The following FIZ1 variants were observed in gnomAD, a reference collection of about 807,000 sequenced individuals.
The protein encoded by FIZ1 is flt3-interacting zinc finger protein 1.
FIZ1 carries 2 observed loss-of-function variants against 5.3 expected under a neutral mutation model. That is an observed-to-expected ratio of 0.37 (90% CI 0.15 to 1.18). The LOEUF is 1.18. Among genes scored for constraint, FIZ1 ranks in the 50% most tolerant of loss-of-function variants. FIZ1 has a pLI of 0.37. For missense variants in FIZ1, 631 were observed against 749.7 expected (o/e 0.84, Z 1.85); for synonymous variants, 407 against 364.2 (o/e 1.12, Z -1.34).
intron 2 of FIZ1, among the ~76,000 whole-genome samples, chr19:55,594,602 C>T (rs1329446197): frequency 3.7e-5 from 5 of 135,140 alleles, no homozygotes; most frequent in Admixed American, 1.7e-4. Flanking sequence ...GAGGCTGAGG[C>T]GGGAGAATGG....
At position 55,592,387 on chromosome 19, in the gene FIZ1, G is replaced by A; in HGVS notation, c.*63C>T. The A allele has an allele frequency of 6.9e-7, 1 of 1,442,922 alleles. No individual in the cohort carries two copies. Among genetic ancestry groups the A allele is most frequent in the Non-Finnish European group, 9.2e-7 (1 of 1,082,778 alleles). 89.4% of individuals were successfully genotyped at this position (1,442,922 alleles called of 1,614,324 possible). A position where few individuals can be genotyped will look rare whatever the true frequency, so the allele number is the denominator to read the frequency against. On this transcript the variant is annotated 3_prime_UTR_variant, in exon 3 of 3. Transcript: ENST00000221665. This position sits in a 1 kb window ranked among gnomAD's most constrained non-coding sequence, Gnocchi z 6.9. ...CCGGGGCCTCACGCGCAGTCCCGAGGTCCCCTGGTCCAGGCCGAGTCCAGG... is the reference window on the plus strand; with the variant it reads ...CCGGGGCCTCACGCGCAGTCCCGAGATCCCCTGGTCCAGGCCGAGTCCAGG...
In FIZ1 at chr19:55,593,353, G is replaced by A. The variant is rs1225170268; in HGVS notation, c.588C>T (p.Ser196=). 1.5e-6 allele frequency: 2 copies of A among 1,342,676 alleles called. No homozygotes were observed. The highest frequency in any genetic ancestry group is 3.2e-5 in the East Asian group (1 of 30,790). 83.2% of individuals were successfully genotyped at this position (1,342,676 alleles called of 1,614,324 possible). A position where few individuals can be genotyped will look rare whatever the true frequency, so the allele number is the denominator to read the frequency against. ...LAEAAAAAAA[S]LPPFACGACA... is the part of the protein sequence containing the mutation. ...AGGCGCCGCACGCAAATGGGGGCAA[G>A]GAGGCCGCGGCCGCAGCTGCCGCCT... Residue 196 remains serine (S), a synonymous_variant, in exon 3 of 3, where the codon TCC becomes TCT. Transcript: ENST00000221665. The surrounding 1 kb of genome is among the most constrained non-coding windows in gnomAD (Gnocchi z 6.3).
intron 2 of FIZ1, chr19:55,595,594 A>T (rs1353694219): frequency 6.6e-6 from 1 of 152,284 alleles, no homozygotes; most frequent in African/African-American, 2.4e-5. Context: ...GACGATAAAA[A>T]TAGTGACCAC....
chr19:55,593,319 G>A lies in FIZ1; in HGVS notation c.622C>T (p.Arg208Cys). Residue 208 changes from arginine to cysteine, a missense_variant, in exon 3 of 3, where the codon CGC (arginine) becomes TGC (cysteine). Around this residue, in one of 4 missense-constraint regions of FIZ1, gnomAD observed 463 missense variants for 455.1 expected, o/e 1.02. Transcript: ENST00000221665. The surrounding 1 kb of genome is among the most constrained non-coding windows in gnomAD (Gnocchi z 6.3). Reference sequence around the variant, plus strand: ...GCCAGCTCGCGGCCGTGGTCGAAGCGCCGCGCGCAGGCGCCGCACGCAAAT... The same window carrying A: ...GCCAGCTCGCGGCCGTGGTCGAAGCACCGCGCGCAGGCGCCGCACGCAAAT... ...PPFACGACAR[R>C]FDHGRELAAH... 2 of 1,270,086 alleles carry A rather than the reference G, an allele frequency of 1.6e-6. No homozygotes were observed. Among genetic ancestry groups the A allele is most frequent in the Middle Eastern group, 3.1e-4 (1 of 3,246 alleles). 78.7% of individuals were successfully genotyped at this position (1,270,086 alleles called of 1,614,324 possible).
In FIZ1 at chr19:55,597,915, G is replaced by GA. The variant is rs952509382; in HGVS notation, c.-36-15dup. The stretch of plus-strand genomic sequence containing the variant: ...TGGGGGCTCTCTCTGGAGTAGTGGG[G>GA]AGACAGAGGAGCAGGTGAGGGGGTC... On this transcript the variant is annotated splice_polypyrimidine_tract_variant and intron_variant, in intron 1 of 2. Coordinates refer to ENST00000221665, the MANE Select transcript of FIZ1 (RefSeq NM_032836.3). The GA allele has an allele frequency of 1.1e-5, 17 of 1,509,898 alleles. No homozygotes were observed. Among genetic ancestry groups the GA allele is most frequent in the Middle Eastern group, 2.3e-4 (1 of 4,374 alleles). 93.5% of individuals were successfully genotyped at this position (1,509,898 alleles called of 1,614,324 possible).
rs575158270 is a variant in FIZ1 at position 55,593,698 on chromosome 19, A to G, written c.295-52T>C. On this transcript the variant is annotated intron_variant, in intron 2 of 2. Coordinates refer to ENST00000221665, the MANE Select transcript of FIZ1 (RefSeq NM_032836.3). The surrounding 1 kb of genome is among the most constrained non-coding windows in gnomAD (Gnocchi z 6.3). ...CGTCAGGGCTGAGAACCTAGCCCGG[A>G]CAACGGATTCCTGGACTCCCAGAGG... The G allele has an allele frequency of 6.7e-7, 1 of 1,498,618 alleles. No homozygotes were observed. The highest frequency in any genetic ancestry group is 1.4e-5 in the African/African-American group (1 of 72,068). 92.8% of individuals were successfully genotyped at this position (1,498,618 alleles called of 1,614,324 possible).
In FIZ1 at chr19:55,592,612, C is replaced by A. The variant is rs141118393; in HGVS notation, c.1329G>T (p.Pro443=). 647 of 1,613,564 alleles carry A rather than the reference C, an allele frequency of 4.0e-4. No individual in the cohort carries two copies. The highest frequency in any genetic ancestry group is 5.0e-4 in the Non-Finnish European group (586 of 1,179,864). ...GGAAGAACTTGCCGCACTCCAGGCA[C>A]GGGAACGGCTTCTCGCCAGTGTGCA... ...VLVHTGEKPF[P]CLECGKFFRH... is the part of the protein sequence containing the mutation. Residue 443 remains proline, a synonymous_variant, in exon 3 of 3, where the codon CCG becomes CCT. Coordinates refer to ENST00000221665, the MANE Select transcript of FIZ1 (RefSeq NM_032836.3). The surrounding 1 kb of genome is among the most constrained non-coding windows in gnomAD (Gnocchi z 6.9).
intron 2 of FIZ1, among the ~76,000 whole-genome samples, chr19:55,596,665 G>GT (rs1980341975): frequency 6.7e-6 from 1 of 149,896 alleles, no homozygotes; most frequent in African/African-American, 2.5e-5. Context: ...ACATTGATTT[G>GT]TATTTTTTGT....
At position 55,593,010 on chromosome 19, in the gene FIZ1, C is replaced by A; in HGVS notation, c.931G>T (p.Glu311Ter). 6.8e-7 allele frequency: 1 copy of A among 1,476,194 alleles called. No individual in the cohort carries two copies. Among genetic ancestry groups the A allele is most frequent in the Non-Finnish European group, 8.9e-7 (1 of 1,120,784 alleles). The allele number at this position is 1,476,194 out of a possible 1,614,324, so 91.4% of individuals were successfully genotyped here. A position where few individuals can be genotyped will look rare whatever the true frequency, so the allele number is the denominator to read the frequency against. ...GVPKLGGLLP[E>*]GGGEAPAPAA... The stretch of plus-strand genomic sequence containing the variant: ...GGTGCAGGCGCCTCCCCACCGCCCT[C>A]GGGGAGCAGCCCCCCGAGCTTGGGC... The change falls in exon 3 of 3, where the codon GAG becomes TAG. Residue 311 changes from glutamate to a stop codon, truncating the protein, a stop_gained. Transcript: ENST00000221665. LOFTEE classifies it low-confidence loss of function (END_TRUNC). This position sits in a 1 kb window ranked among gnomAD's most constrained non-coding sequence, Gnocchi z 6.3.
In FIZ1 at chr19:55,597,628, G is replaced by T. The variant is rs751725257; in HGVS notation, c.238C>A (p.Arg80Ser). The part of the protein sequence containing the change: ...LRSHTGERPY[R>S]CSACPKGFRD... ...AACCCCTTGGGGCAGGCAGAGCAGC[G>T]GTAGGGCCGCTCCCCGGTGTGCGAG... The change falls in exon 2 of 3, where the codon CGC becomes AGC. Residue 80 changes from arginine to serine, a missense_variant. Arg to Ser is a moderately radical substitution (Grantham distance 110). This residue lies in a region of FIZ1 where 68 missense variants were observed against 163.4 expected (regional missense o/e 0.42). Coordinates refer to ENST00000221665, the MANE Select transcript of FIZ1 (RefSeq NM_032836.3). 3.1e-6 allele frequency: 5 copies of T among 1,613,616 alleles called. No homozygotes were observed. Among genetic ancestry groups the T allele is most frequent in the Non-Finnish European group, 4.2e-6 (5 of 1,179,876 alleles).
At chr19:55,596,836 C>T (rs910757342) in intron 2 of FIZ1, among the ~76,000 whole-genome samples, 2 of 152,148 alleles carry the variant, frequency 1.3e-5, no homozygotes, top group South Asian at 2.1e-4. Flanking sequence ...ACACGCCTGG[C>T]TAATTTTTGT....
At chr19:55,599,180 C>T (rs1361502121) in intron 1 of FIZ1, 1 of 152,940 alleles carries the variant, frequency 6.5e-6, no homozygotes, top group African/African-American at 2.4e-5. Context: ...CCTCCCAGCC[C>T]TTGCTCCGCC....
intron 2 of FIZ1, among the ~76,000 whole-genome samples, chr19:55,596,272 C>A (rs368288176): frequency 6.6e-6 from 1 of 152,048 alleles, no homozygotes; most frequent in Non-Finnish European, 1.5e-5. Flanking sequence ...CTGAGAAAGC[C>A]GGGGCCAACA....
At position 55,592,392 on chromosome 19, in the gene FIZ1, C is replaced by A. The variant is rs931396493; in HGVS notation, c.*58G>T. 84 of 1,463,442 alleles carry A rather than the reference C, an allele frequency of 5.7e-5. No homozygotes were observed. The Middle Eastern group carries it at 7.3e-4, about 13-fold the overall frequency. The allele number at this position is 1,463,442 out of a possible 1,614,324, so 90.7% of individuals were successfully genotyped here. ...GCCTCACGCGCAGTCCCGAGGTCCC[C>A]TGGTCCAGGCCGAGTCCAGGAGGCT... On this transcript the variant is annotated 3_prime_UTR_variant, in exon 3 of 3. Transcript: ENST00000221665. The surrounding 1 kb of genome is among the most constrained non-coding windows in gnomAD (Gnocchi z 6.9).
chr19:55,593,886 T>C lies in FIZ1; in HGVS notation c.295-240A>G, dbSNP rs1027450119. ...CGCCTGTAATCCCAGCACTCTGGGA[T>C]TGCATAAGCCTAGGTGTTTGAGACC... On this transcript the variant is annotated intron_variant, in intron 2 of 2. Coordinates refer to ENST00000221665, the MANE Select transcript of FIZ1 (RefSeq NM_032836.3). This position sits in a 1 kb window ranked among gnomAD's most constrained non-coding sequence, Gnocchi z 6.3. 6.6e-6 allele frequency among the ~76,000 whole-genome samples: 1 copy of C among 151,234 alleles called. No individual in the cohort carries two copies.
chr19:55,597,447 T>A, intron 2 of FIZ1, 125 bp downstream of exon 2: 1 of 1,434,448 alleles, frequency 7.0e-7, no homozygotes, highest in South Asian at 1.5e-5. Flanking sequence ...GGACATTTTC[T>A]AATGGGAGGA....
At chr19:55,595,912 T>C (rs1278378812) in intron 2 of FIZ1, among the ~76,000 whole-genome samples, 21 of 152,236 alleles carry the variant, frequency 1.4e-4, no homozygotes, top group Admixed American at 2.6e-4. Context: ...ATGTCTCGGC[T>C]GCAGCCTAAC....
chr19:55,593,725 T>C lies in FIZ1; in HGVS notation c.295-79A>G. 1.5e-6 allele frequency: 2 copies of C among 1,319,774 alleles called. No individual in the cohort carries two copies. Among genetic ancestry groups the C allele is most frequent in the East Asian group, 5.0e-5 (2 of 39,630 alleles). 81.8% of individuals were successfully genotyped at this position (1,319,774 alleles called of 1,614,324 possible). A position where few individuals can be genotyped will look rare whatever the true frequency, so the allele number is the denominator to read the frequency against. ...AACGGATTCCTGGACTCCCAGAGGG[T>C]TGTGGCACAAGCTCTCTGTCACACC... On this transcript the variant is annotated intron_variant, in intron 2 of 2. Transcript: ENST00000221665. This position sits in a 1 kb window ranked among gnomAD's most constrained non-coding sequence, Gnocchi z 6.3.
chr19:55,592,798 G>A lies in FIZ1; in HGVS notation c.1143C>T (p.His381=), dbSNP rs1980083703. 2 of 1,587,634 alleles carry A rather than the reference G, an allele frequency of 1.3e-6. No individual in the cohort carries two copies. The highest frequency in any genetic ancestry group is 1.3e-5 in the African/African-American group (1 of 74,436). The change falls in exon 3 of 3, where the codon CAC becomes CAT. Residue 381 remains histidine (H), a synonymous_variant. Coordinates refer to ENST00000221665, the MANE Select transcript of FIZ1 (RefSeq NM_032836.3). This position sits in a 1 kb window ranked among gnomAD's most constrained non-coding sequence, Gnocchi z 6.9. ...AALEEHRRVS[H]GEGGGEEAAT... is the part of the protein sequence containing the mutation. ...CCGCCTCCTCCCCGCCGCCCTCACC[G>A]TGGCTGACCCGCCGGTGCTCCTCCA...
Sources: allele counts gnomAD v4.1 joint callset (sites outside exome capture counted in the v4.1 genomes callset), GRCh38; gene constraint gnomAD v4.1.1; regional missense constraint gnomAD v4.1.1; non-coding constraint Gnocchi (gnomAD v3.1); transcripts MANE v1.5; gene names NCBI Gene and HGNC (gene_info 2026-07-23, HGNC 2026-07-21).